The following EHBP1 variants were observed in gnomAD, a reference collection of about 807,000 sequenced individuals.
EHBP1 encodes the protein EH domain-binding protein 1.
In EHBP1, 55 loss-of-function variants were observed where a neutral mutation model predicts 144.0. The ratio of observed to expected loss-of-function variants is 0.38; its 90% CI spans 0.31 to 0.48. The LOEUF (loss-of-function observed/expected upper bound fraction) is 0.48. EHBP1 is among the 20% of genes least tolerant of loss of function. The pLI is 0.98. For missense variants in EHBP1, 1,200 were observed against 1,364.2 expected, an observed-to-expected ratio of 0.88 and a Z score of 1.90; for synonymous variants, 469 against 472.7, an observed-to-expected ratio of 0.99 and a Z score of 0.10.
chr2:62,830,195 C>CACACATAT (rs1400040654), intron 6 of EHBP1, among the ~76,000 whole-genome samples: 6 of 116,260 alleles, frequency 5.2e-5, no homozygotes, highest in Non-Finnish European at 8.9e-5. Context: ...CACACACACA[C>CACACATAT]ATATATATAC....
chr2:62,747,139 A>T (rs576887910), intron 2 of EHBP1, among the ~76,000 whole-genome samples: 2 of 152,180 alleles, frequency 1.3e-5, no homozygotes, highest in South Asian at 4.1e-4. Context: ...CCAGTTCTAA[A>T]TATTTTATTT....
intron 3 of EHBP1, among the ~76,000 whole-genome samples, chr2:62,756,813 T>C (rs1433477413): frequency 6.8e-6 from 1 of 146,932 alleles, no homozygotes; most frequent in African/African-American, 2.5e-5. Flanking sequence ...GTTTTATAAA[T>C]TGTACATAAT....
intron 5 of EHBP1, among the ~76,000 whole-genome samples, chr2:62,797,200 G>C (rs2043599366): frequency 6.6e-6 from 1 of 152,070 alleles, no homozygotes; most frequent in African/African-American, 2.4e-5. Context: ...CTGACTCTTA[G>C]CTATGCATGG....
chr2:63,012,363 TC>T (rs1393055910), intron 19 of EHBP1, among the ~76,000 whole-genome samples: 2 of 152,218 alleles, frequency 1.3e-5, no homozygotes, highest in Non-Finnish European at 2.9e-5. Context: ...CTCTTTAGCT[TC>T]CCCTAGGCTT....
At position 62,757,112 on chromosome 2, in the gene EHBP1, C is replaced by G. The variant is rs1159129947; in HGVS notation, c.163-7154C>G. ...CTGAACTCACATAGGAGGAACAAAT[C>G]TCTGCAACTGTTGGTCAGAAAATAT... On this transcript the variant is annotated intron_variant, in intron 3 of 22. Coordinates refer to ENST00000431489, the MANE Select transcript of EHBP1 (RefSeq NM_001142616.3). 3.3e-5 allele frequency among the ~76,000 whole-genome samples: 5 copies of G among 152,236 alleles called. No individual in the cohort carries two copies. In the East Asian group the frequency reaches 9.7e-4, roughly 29 times the overall value.
intron 19 of EHBP1, among the ~76,000 whole-genome samples, chr2:62,997,047 T>G (rs1449575747): frequency 6.6e-6 from 1 of 151,904 alleles, no homozygotes; most frequent in Non-Finnish European, 1.5e-5. Flanking sequence ...GATATGCCAC[T>G]GCTTAAAAAA....
chr2:62,677,769 A>G (rs1422077136), intron 1 of EHBP1, among the ~76,000 whole-genome samples: 2 of 152,188 alleles, frequency 1.3e-5, no homozygotes, highest in Non-Finnish European at 2.9e-5. Context: ...TATTTCATTT[A>G]ACATAATGAC....
Position 62,840,088 on chromosome 2 carries a change from A to C in EHBP1, c.634+8930A>C, listed in dbSNP as rs2047675776. Among the ~76,000 whole-genome samples the C allele has an allele frequency of 3.3e-5, 5 of 151,878 alleles. No homozygotes were observed. The South Asian group carries it at 1.0e-3, about 32-fold the overall frequency. Reference sequence around the variant, plus strand: ...GCATCACACTACCTGACTTCAAACTATACTACAAGGCTACAGTAACCAAAA... The same window carrying C: ...GCATCACACTACCTGACTTCAAACTCTACTACAAGGCTACAGTAACCAAAA... On this transcript the variant is annotated intron_variant, in intron 7 of 22. Transcript: ENST00000431489.
intron 19 of EHBP1, among the ~76,000 whole-genome samples, chr2:63,018,947 A>G (rs1253452818): frequency 6.6e-6 from 1 of 152,248 alleles, no homozygotes; most frequent in African/African-American, 2.4e-5. Context: ...ACTTGGCAGC[A>G]ACGTGTTTTT....
intron 15 of EHBP1, among the ~76,000 whole-genome samples, chr2:62,987,546 A>T (rs1362198066): frequency 6.6e-6 from 1 of 152,216 alleles, no homozygotes; most frequent in Non-Finnish European, 1.5e-5. Flanking sequence ...ATAATCTGAT[A>T]AAAGTGTAAA....
At chr2:62,763,970 G>GTTTTCATCATT (rs2040967708) in intron 3 of EHBP1, among the ~76,000 whole-genome samples, 1 of 151,946 alleles carries the variant, frequency 6.6e-6, no homozygotes, top group Non-Finnish European at 1.5e-5. Flanking sequence ...GAGACATCAT[G>GTTTTCATCATT]TTTTCATCAT....
At chr2:62,854,125 G>C (rs1009007522) in intron 7 of EHBP1, among the ~76,000 whole-genome samples, 6 of 152,158 alleles carry the variant, frequency 3.9e-5, no homozygotes, top group South Asian at 2.1e-4. Context: ...ATTAGCTTCA[G>C]ACTTCTTCTG....
intron 4 of EHBP1, among the ~76,000 whole-genome samples, chr2:62,766,825 T>G (rs2041227315): frequency 6.6e-6 from 1 of 152,078 alleles, no homozygotes; most frequent in Non-Finnish European, 1.5e-5. Flanking sequence ...TTTATTTGGA[T>G]TTAGAACTAC....
chr2:62,747,679 G>T (rs2152154805), intron 3 of EHBP1, among the ~76,000 whole-genome samples: 1 of 151,860 alleles, frequency 6.6e-6, no homozygotes, highest in East Asian at 1.9e-4. Context: ...ACTATGGTTT[G>T]AAAAAAATCA....
chr2:62,960,509 C>T (rs1042060028), intron 14 of EHBP1, among the ~76,000 whole-genome samples: 1 of 152,130 alleles, frequency 6.6e-6, no homozygotes, highest in Non-Finnish European at 1.5e-5. Context: ...ATGCATTCAT[C>T]CCAATATAAT....
At chr2:62,797,950 C>T (rs2043663078) in intron 5 of EHBP1, among the ~76,000 whole-genome samples, 2 of 152,006 alleles carry the variant, frequency 1.3e-5, no homozygotes, top group Non-Finnish European at 2.9e-5. Flanking sequence ...TGGCCATTAA[C>T]TTTCTAAGTG....
At chr2:62,885,256 A>G (rs1179348670) in intron 10 of EHBP1, among the ~76,000 whole-genome samples, 1 of 152,240 alleles carries the variant, frequency 6.6e-6, no homozygotes, top group Non-Finnish European at 1.5e-5. Context: ...AAGTGATAAT[A>G]AATGTATACT....
chr2:62,997,428 ATGTGTGTGTGTGTGTG>A (rs70962800), intron 19 of EHBP1, among the ~76,000 whole-genome samples: 7 of 90,622 alleles, frequency 7.7e-5, no homozygotes, highest in Admixed American at 3.3e-4. Flanking sequence ...AAAGGAACTC[ATGTGTGTGTGTGTGTG>A]TGTGTGTGTG....
chr2:62,992,335 T>G (rs1453317431), intron 16 of EHBP1, among the ~76,000 whole-genome samples: 1 of 152,200 alleles, frequency 6.6e-6, no homozygotes, highest in East Asian at 1.9e-4. Flanking sequence ...AGCATGATAT[T>G]AATGATAAAT....
Sources: gnomAD v4.1 joint callset for allele counts (sites outside exome capture counted in the v4.1 genomes callset) on GRCh38, gnomAD v4.1.1 for gene constraint, MANE v1.5 for transcripts, NCBI Gene and HGNC (gene_info 2026-07-23, HGNC 2026-07-21) for gene names.